SLAMF9: variants seen among roughly 807,000 people sequenced by gnomAD.
SLAMF9 encodes CD2 family member 10.
SLAMF9 carries 25 observed loss-of-function variants against 30.4 expected under a neutral mutation model. The observed-to-expected ratio is 0.82, with a 90% CI of 0.60 to 1.15. The LOEUF (loss-of-function observed/expected upper bound fraction) is 1.15, where lower values mean the gene tolerates loss of function less well. SLAMF9 is among the 50% of genes most tolerant of loss of function. The pLI, the probability that SLAMF9 is intolerant of heterozygous loss-of-function variation, is 0.00. For synonymous variants in SLAMF9, 129 were observed against 127.2 expected (o/e 1.01, Z -0.09); for missense variants, 344 against 346.1 (o/e 0.99, Z 0.05).
intron 2 of SLAMF9, among the ~76,000 whole-genome samples, chr1:159,953,056 C>G (rs767456326): frequency 1.3e-5 from 2 of 152,240 alleles, no homozygotes; most frequent in Non-Finnish European, 2.9e-5. Context: ...CCTACAGGAT[C>G]TGTACATGAA....
Position 159,953,660 on chromosome 1 carries a change from A to C in SLAMF9, c.47-7T>G. On this transcript the variant is annotated splice_polypyrimidine_tract_variant and splice_region_variant and intron_variant, in intron 1 of 3. Transcript: ENST00000368093. ...CAGAGTCTCCTTTGGCTGCCTATGCAGGAAGAAAAGAGAAGCAAACAACCC... is the reference window on the plus strand; with the variant it reads ...CAGAGTCTCCTTTGGCTGCCTATGCCGGAAGAAAAGAGAAGCAAACAACCC... 3.8e-6 allele frequency: 6 copies of C among 1,584,034 alleles called. No individual in the cohort carries two copies. The highest frequency in any genetic ancestry group is 5.2e-6 in the Non-Finnish European group (6 of 1,161,922).
At chr1:159,973,335 C>T in the SLAMF9 span, 1 of 591,502 alleles carries the variant, frequency 1.7e-6, no homozygotes, top group Non-Finnish European at 3.0e-6. Context: ...GATAAAGCCC[C>T]AGGAGGCTGA....
chr1:159,966,892 AT>A, the SLAMF9 span, among the ~76,000 whole-genome samples: 302 of 151,314 alleles, frequency 2.0e-3, 2 homozygotes, highest in African/African-American at 6.6e-3. Context: ...GTTTGAAAAT[AT>A]TTTTTCCCAT....
rs140720782 is a variant in SLAMF9, at chr1:159,951,752, T to C, written c.779A>G (p.Gln260Arg). ...LAMGLWVIRV[Q>R]KRHKMPRMKK... is the part of the protein sequence containing the mutation. ...CATCCTTGGCATTTTGTGTCTTTTC[T>C]GGACTCGGATGACCCAGAGTCCCAT... The change falls in exon 4 of 4, where the codon CAG (glutamine) becomes CGG (arginine). Residue 260 changes from glutamine (Q) to arginine (R), a missense_variant. Physicochemically the swap from Gln to Arg is conservative, Grantham distance 43. Coordinates refer to ENST00000368093, the MANE Select transcript of SLAMF9 (RefSeq NM_033438.4). 81 of 1,614,218 alleles carry C rather than the reference T, an allele frequency of 5.0e-5. 1 individual carries two copies. The East Asian group carries it at 1.8e-3, about 36-fold the overall frequency.
At chr1:159,965,017 T>C in the SLAMF9 span, among the ~76,000 whole-genome samples, 1 of 152,104 alleles carries the variant, frequency 6.6e-6, no homozygotes, top group African/African-American at 2.4e-5. Context: ...TGTCCCAGAG[T>C]TGATCAGAAT....
At chr1:159,972,859 G>T in the SLAMF9 span, 1 of 958,200 alleles carries the variant, frequency 1.0e-6, no homozygotes, top group South Asian at 3.5e-5. Context: ...CACATGGGAT[G>T]GGAGGCTCAG....
the SLAMF9 span, among the ~76,000 whole-genome samples, chr1:159,971,493 C>G: frequency 1.3e-5 from 2 of 152,170 alleles, no homozygotes; most frequent in Non-Finnish European, 2.9e-5. Context: ...GTGAAGGATT[C>G]TAGCAGGGAC....
chr1:159,958,050 C>T (rs1444971727), upstream of SLAMF9, among the ~76,000 whole-genome samples: 1 of 152,160 alleles, frequency 6.6e-6, no homozygotes, highest in Non-Finnish European at 1.5e-5. Flanking sequence ...ACCGACTGCC[C>T]GTTAGAGAAG....
the SLAMF9 span, among the ~76,000 whole-genome samples, chr1:159,972,262 G>T: frequency 3.9e-5 from 6 of 152,238 alleles, no homozygotes; most frequent in Non-Finnish European, 8.8e-5. Flanking sequence ...GAGAGAAGTT[G>T]CCTATGTCTT....
chr1:159,952,602 C>G (rs777122710), intron 2 of SLAMF9, 68 bp from the exon 3 acceptor site: 2 of 1,550,142 alleles, frequency 1.3e-6, no homozygotes, highest in Middle Eastern at 3.4e-4. Context: ...CTAAGCTCCT[C>G]AAACCTGGGG....
At chr1:159,966,202 A>C in the SLAMF9 span, among the ~76,000 whole-genome samples, 13 of 152,296 alleles carry the variant, frequency 8.5e-5, no homozygotes, top group Non-Finnish European at 1.6e-4. Context: ...AAGATCATGC[A>C]GTATTTACCT....
chr1:159,959,116 C>A (rs1190077160), upstream of SLAMF9, among the ~76,000 whole-genome samples: 2 of 152,174 alleles, frequency 1.3e-5, no homozygotes, highest in Non-Finnish European at 2.9e-5. Context: ...CAACTCTCCT[C>A]CCCCAACTCA....
chr1:159,964,922 C>T, the SLAMF9 span, among the ~76,000 whole-genome samples: 1 of 152,202 alleles, frequency 6.6e-6, no homozygotes, highest in Non-Finnish European at 1.5e-5. Context: ...AGCCCTGGGC[C>T]ACCCAGACGG....
chr1:159,976,912 A>AGAAG, the SLAMF9 span: 5 of 59,500 alleles, frequency 8.4e-5, no homozygotes, highest in Admixed American at 7.7e-4. Flanking sequence ...AGGAAAGAAA[A>AGAAG]AAAGAAAGAA....
At position 159,951,789 on chromosome 1, in the gene SLAMF9, C is replaced by G. The variant is rs769833755; in HGVS notation, c.742G>C (p.Val248Leu). The part of the protein sequence containing the change: ...AKGLLIFLLL[V>L]ILAMGLWVIR... Reference sequence around the variant, plus strand: ...ACCCAGAGTCCCATGGCCAGAATTACCAAGAGCAAGAAGATGAGCAATCCC... The same window carrying G: ...ACCCAGAGTCCCATGGCCAGAATTAGCAAGAGCAAGAAGATGAGCAATCCC... The change falls in exon 4 of 4, where the codon GTA becomes CTA. Residue 248 changes from valine (V) to leucine (L), a missense_variant. By Grantham distance (32) the Val-to-Leu change is conservative (BLOSUM62 1). Coordinates refer to ENST00000368093, the MANE Select transcript of SLAMF9 (RefSeq NM_033438.4). The G allele has an allele frequency of 8.1e-6, 13 of 1,614,006 alleles. No homozygotes were observed. Among genetic ancestry groups the G allele is most frequent in the South Asian group, 5.5e-5 (5 of 91,086 alleles).
chr1:159,976,920 G>GA, the SLAMF9 span: 1 of 630 alleles, frequency 1.6e-3, no homozygotes, highest in Non-Finnish European at 0.026. Context: ...AAAAAAGAAA[G>GA]AAAGAAAGAA....
Position 159,954,237 on chromosome 1 carries a change from T to A in SLAMF9, c.-100A>T. ...GGCTCCTAGACACAAAGAGCCTGAC[T>A]GATGGTCCTGAGAAAAGGGAAATAA... On this transcript the variant is annotated 5_prime_UTR_variant, in exon 1 of 4. Transcript: ENST00000368093. 7.3e-7 allele frequency: 1 copy of A among 1,368,848 alleles called. No individual in the cohort carries two copies. The highest frequency in any genetic ancestry group is 2.4e-5 in the East Asian group (1 of 41,958). 84.8% of individuals were successfully genotyped at this position (1,368,848 alleles called of 1,614,324 possible).
At chr1:159,957,140 C>CAAAA (rs143801500), upstream of SLAMF9, among the ~76,000 whole-genome samples, 5 of 104,798 alleles carry the variant, frequency 4.8e-5, no homozygotes, top group African/African-American at 7.5e-5. Context: ...AAAAAAAAGA[C>CAAAA]AAAAAAAAAA....
chr1:159,975,778 G>A, the SLAMF9 span, among the ~76,000 whole-genome samples: 2 of 152,208 alleles, frequency 1.3e-5, no homozygotes, highest in African/African-American at 4.8e-5. Flanking sequence ...GAATCTATAA[G>A]ACTTGATGAT....
Sources: gnomAD v4.1 joint callset for allele counts (sites outside exome capture counted in the v4.1 genomes callset) on GRCh38, gnomAD v4.1.1 for gene constraint, MANE v1.5 for transcripts, NCBI Gene and HGNC (gene_info 2026-07-23, HGNC 2026-07-21) for gene names.